The following CFAP57 variants were observed in gnomAD, a reference collection of about 807,000 sequenced individuals.
The protein encoded by CFAP57 is cilia- and flagella-associated protein 57.
Under a neutral mutation model 146.8 loss-of-function variants are expected in CFAP57, and 116 were observed. That is an observed-to-expected ratio of 0.79 (90% confidence interval 0.68 to 0.92). The LOEUF (loss-of-function observed/expected upper bound fraction) is 0.92. CFAP57 is among the 40% of genes least tolerant of loss of function. The probability of loss-of-function intolerance (pLI) is 0.00; values close to 1 mark genes in which losing one functional copy is unlikely to be tolerated. For missense variants in CFAP57, 1,377 were observed against 1,527.2 expected (o/e 0.90, Z 1.64); for synonymous variants, 518 against 552.8 (o/e 0.94, Z 0.88).
chr1:43,183,987 C>A, intron 4 of CFAP57, 110 bp downstream of exon 4: 1 of 1,362,846 alleles, frequency 7.3e-7, no homozygotes, highest in Non-Finnish European at 1.0e-6. Context: ...TAAAAGTCAA[C>A]TATGCCCATT....
intron 11 of CFAP57, 87 bp from the exon 12 acceptor site, chr1:43,215,168 T>TG (rs34721748): frequency 0.22 from 323,708 of 1,477,268 alleles, 38,331 homozygotes; most frequent in Middle Eastern, 0.26. Context: ...CAGGATTGCA[T>TG]GGGGGGAAGC....
chr1:43,228,752 T>C (rs770433145), intron 18 of CFAP57, among the ~76,000 whole-genome samples: 5 of 149,096 alleles, frequency 3.4e-5, no homozygotes, highest in Non-Finnish European at 7.4e-5. Flanking sequence ...TATAACAAAA[T>C]ACTTTAGAAG....
At chr1:43,174,830 A>G (rs1645109739) in intron 2 of CFAP57, among the ~76,000 whole-genome samples, 2 of 152,200 alleles carry the variant, frequency 1.3e-5, no homozygotes, top group African/African-American at 2.4e-5. Flanking sequence ...ACAAAAATAA[A>G]AAAGATCATA....
intron 9 of CFAP57, 80 bp downstream of exon 9, chr1:43,199,583 A>G: frequency 2.4e-6 from 3 of 1,260,256 alleles, no homozygotes; most frequent in South Asian, 2.4e-5. Flanking sequence ...CAGGTGAACA[A>G]AAGAGAGATG....
At position 43,232,595 on chromosome 1, in the gene CFAP57, G is replaced by A. The variant is rs768591411; in HGVS notation, c.3097G>A (p.Asp1033Asn). The A allele has an allele frequency of 3.0e-5, 47 of 1,548,194 alleles. No individual in the cohort carries two copies. Among genetic ancestry groups the A allele is most frequent in the East Asian group, 4.9e-5 (2 of 40,914 alleles). Residue 1033 changes from aspartate to asparagine, a missense_variant, in exon 19 of 23, where the codon GAT (aspartate) becomes AAT (asparagine). Transcript: ENST00000372492. ...TELWQKLRAT[D>N]QEMRRERQKE... is the part of the protein sequence containing the mutation. ...ATTGTGGCAGAAACTGAGAGCCACC[G>A]ATCAGGAGATGCGCAGAGAGAGACA...
At chr1:43,247,365 C>A (rs987627718) in intron 22 of CFAP57, among the ~76,000 whole-genome samples, 1 of 152,140 alleles carries the variant, frequency 6.6e-6, no homozygotes, top group Non-Finnish European at 1.5e-5. Flanking sequence ...AATTCAATAT[C>A]CTTAAGTCCA....
At chr1:43,197,429 T>C in intron 6 of CFAP57, 124 bp from the exon 7 acceptor site, 2 of 1,156,264 alleles carry the variant, frequency 1.7e-6, no homozygotes, top group Non-Finnish European at 1.3e-6. Context: ...ATTCAAACAG[T>C]TTAGCCACAG....
intron 21 of CFAP57, among the ~76,000 whole-genome samples, 177 bp downstream of exon 21, chr1:43,234,815 T>C (rs1645624346): frequency 6.6e-6 from 1 of 152,116 alleles, no homozygotes; most frequent in African/African-American, 2.4e-5. Context: ...TGGCTGTGAC[T>C]GTGGCTGAGA....
At chr1:43,209,693 G>A in intron 10 of CFAP57, 50 bp from the exon 11 acceptor site, 1 of 1,559,568 alleles carries the variant, frequency 6.4e-7, no homozygotes, top group Non-Finnish European at 8.8e-7. Context: ...ACTGGGACGT[G>A]GGGGCCACAG....
chr1:43,228,408 T>C lies in CFAP57; in HGVS notation c.3009+1282T>C, dbSNP rs780447985. Among the ~76,000 whole-genome samples, 45 of 127,608 alleles carry C rather than the reference T, an allele frequency of 3.5e-4. 5 individuals are homozygous for C. Among genetic ancestry groups the C allele is most frequent in the Admixed American group, 7.2e-5 (1 of 13,984 alleles). 83.7% of individuals were successfully genotyped at this position (127,608 alleles called of 152,430 possible). On this transcript the variant is annotated intron_variant, in intron 18 of 22. Transcript: ENST00000372492. ...GACAAAATAGGCTTCTGCTCCCTCC[T>C]CCATCTTCTCTAATTGTTTGTGCTG... is the stretch of plus-strand genomic sequence containing the variant.
intron 17 of CFAP57, 74 bp from the exon 18 acceptor site, chr1:43,226,909 C>G (rs970727348): frequency 7.1e-7 from 1 of 1,403,312 alleles, no homozygotes. Flanking sequence ...AGGCTTCGTG[C>G]TCTTTTGCCC....
chr1:43,186,234 C>T (rs1368778525), intron 5 of CFAP57, among the ~76,000 whole-genome samples: 1 of 151,732 alleles, frequency 6.6e-6, no homozygotes, highest in Middle Eastern at 3.2e-3. Flanking sequence ...AGAGCCAGAC[C>T]CTCTCTCAAA....
chr1:43,241,999 T>C (rs1324360229), intron 21 of CFAP57, among the ~76,000 whole-genome samples: 1 of 152,130 alleles, frequency 6.6e-6, no homozygotes, highest in Non-Finnish European at 1.5e-5. Context: ...GTGCAGAGCC[T>C]GCACCACCTG....
chr1:43,175,852 T>G (rs1645150818), intron 2 of CFAP57, among the ~76,000 whole-genome samples: 1 of 151,526 alleles, frequency 6.6e-6, no homozygotes. Flanking sequence ...TTTGGATTTT[T>G]TATACCTTAC....
intron 18 of CFAP57, among the ~76,000 whole-genome samples, chr1:43,230,549 C>G (rs528605125): frequency 5.3e-5 from 8 of 152,174 alleles, no homozygotes; most frequent in Non-Finnish European, 1.0e-4. Flanking sequence ...CCCTCTCCCC[C>G]CTCTTCAAAT....
At chr1:43,237,113 G>A (rs1645736099) in intron 21 of CFAP57, among the ~76,000 whole-genome samples, 1 of 152,108 alleles carries the variant, frequency 6.6e-6, no homozygotes, top group African/African-American at 2.4e-5. Context: ...CTTGGTGTGT[G>A]CTGGTCAGGA....
intron 9 of CFAP57, among the ~76,000 whole-genome samples, chr1:43,202,505 G>A (rs965999124): frequency 2.6e-5 from 4 of 152,190 alleles, no homozygotes; most frequent in South Asian, 4.2e-4. Flanking sequence ...AAAGGGGTCC[G>A]GGCGCAGTCA....
At chr1:43,242,873 TATA>T (rs1239107934) in intron 21 of CFAP57, among the ~76,000 whole-genome samples, 1 of 151,840 alleles carries the variant, frequency 6.6e-6, no homozygotes, top group Non-Finnish European at 1.5e-5. Flanking sequence ...ATATATATAA[TATA>T]ATAGCCATAT....
At chr1:43,176,734 C>T (rs987831777) in intron 2 of CFAP57, among the ~76,000 whole-genome samples, 6 of 152,022 alleles carry the variant, frequency 3.9e-5, no homozygotes, top group Non-Finnish European at 7.4e-5. Context: ...CTAATAAGAA[C>T]AAACAAAGCA....
Sources: allele counts gnomAD v4.1 joint callset (sites outside exome capture counted in the v4.1 genomes callset), GRCh38; gene constraint gnomAD v4.1.1; transcripts MANE v1.5; gene names NCBI Gene and HGNC (gene_info 2026-07-23, HGNC 2026-07-21).